The following CRHR2 variants were observed in gnomAD, a reference collection of about 807,000 sequenced individuals.
The protein encoded by CRHR2 is corticotropin-releasing hormone receptor 2.
CRHR2 carries 53 observed loss-of-function variants against 57.9 expected under a neutral mutation model. The observed-to-expected ratio is 0.92, with a 90% CI of 0.73 to 1.15. The LOEUF (loss-of-function observed/expected upper bound fraction) is 1.15, where lower values mean the gene tolerates loss of function less well. Among genes scored for constraint, CRHR2 ranks in the 50% most tolerant of loss-of-function variants. The pLI, the probability that CRHR2 is intolerant of heterozygous loss-of-function variation, is 0.00. For missense variants in CRHR2, 532 were observed against 542.6 expected, an observed-to-expected ratio of 0.98 and a Z score of 0.19; for synonymous variants, 213 against 220.9, an observed-to-expected ratio of 0.96 and a Z score of 0.32.
At chr7:30,671,366 G>A (rs1222058434) in intron 2 of CRHR2, among the ~76,000 whole-genome samples, 1 of 152,130 alleles carries the variant, frequency 6.6e-6, no homozygotes, top group Non-Finnish European at 1.5e-5. Context: ...TAGGAGACAG[G>A]GACCATGAGG....
chr7:30,671,317 C>T (rs1784344647), intron 2 of CRHR2, among the ~76,000 whole-genome samples: 1 of 152,170 alleles, frequency 6.6e-6, no homozygotes, highest in African/African-American at 2.4e-5. Flanking sequence ...AAATGGTTGG[C>T]ACTTCTATCT....
At chr7:30,699,801 G>A (rs1339037784) in intron 1 of CRHR2, 1 of 597,944 alleles carries the variant, frequency 1.7e-6, no homozygotes, top group Non-Finnish European at 2.8e-6. Flanking sequence ...ACCCAGGCAC[G>A]GGATCTCCAA....
In CRHR2 at chr7:30,682,235, G is replaced by T; in HGVS notation, c.46C>A (p.Leu16Met). 2 of 1,589,490 alleles carry T rather than the reference G, an allele frequency of 1.3e-6. No individual in the cohort carries two copies. Among genetic ancestry groups the T allele is most frequent in the East Asian group, 2.3e-5 (1 of 43,692 alleles). Residue 16 changes from leucine to methionine, a missense_variant, in exon 1 of 12, where the codon CTG becomes ATG. Transcript: ENST00000471646. Reference sequence around the variant, plus strand: ...AAGAGCAGCTCTTCAGCCAGCGCCAGGCTGCAGTTGGCCTCCAGCAGGCTG... The same window carrying T: ...AAGAGCAGCTCTTCAGCCAGCGCCATGCTGCAGTTGGCCTCCAGCAGGCTG... ...LHSLLEANCS[L>M]ALAEELLLDG...
intron 1 of CRHR2, chr7:30,689,368 A>G: frequency 9.0e-7 from 1 of 1,114,746 alleles, no homozygotes; most frequent in Non-Finnish European, 1.3e-6. Context: ...CTATCCTATC[A>G]CTCATCCCTT....
upstream of CRHR2, among the ~76,000 whole-genome samples, chr7:30,686,813 T>C (rs1249798457): frequency 2.0e-5 from 3 of 152,252 alleles, no homozygotes; most frequent in South Asian, 2.1e-4. Context: ...TTGCATGCGT[T>C]GCCTTTTTCA....
chr7:30,657,847 T>C (rs945489549), intron 8 of CRHR2, among the ~76,000 whole-genome samples: 11 of 152,106 alleles, frequency 7.2e-5, no homozygotes, highest in Non-Finnish European at 1.3e-4. Context: ...CAACAACCAA[T>C]TCATTCAATT....
upstream of CRHR2, among the ~76,000 whole-genome samples, chr7:30,683,852 C>T (rs1462137890): frequency 6.6e-6 from 1 of 152,224 alleles, no homozygotes; most frequent in Non-Finnish European, 1.5e-5. Flanking sequence ...ACCTAAGCTG[C>T]TAGGAAAGGC....
At chr7:30,687,308 C>T (rs756064352), upstream of CRHR2, among the ~76,000 whole-genome samples, 59 of 152,002 alleles carry the variant, frequency 3.9e-4, no homozygotes, top group Non-Finnish European at 3.2e-4. Context: ...TGATGCATCC[C>T]CAGAGTGGCT....
At chr7:30,697,681 C>A (rs1335200756) in intron 1 of CRHR2, among the ~76,000 whole-genome samples, 2 of 152,190 alleles carry the variant, frequency 1.3e-5, no homozygotes, top group African/African-American at 2.4e-5. Context: ...GAGAGCTCCC[C>A]ATGTCCTCAG....
chr7:30,699,691 T>C (rs1450476482), intron 1 of CRHR2: 1 of 229,088 alleles, frequency 4.4e-6, no homozygotes, highest in African/African-American at 2.5e-5. Context: ...AGTTTCATCT[T>C]CCCTTCCCCT....
intron 2 of CRHR2, among the ~76,000 whole-genome samples, chr7:30,671,929 T>C (rs912782828): frequency 4.6e-5 from 7 of 151,682 alleles, no homozygotes; most frequent in Non-Finnish European, 7.4e-5. Flanking sequence ...GTAGTAGTGG[T>C]GGTGAGGGAG....
At chr7:30,676,462 G>T (rs868214753) in intron 2 of CRHR2, among the ~76,000 whole-genome samples, 35 of 152,172 alleles carry the variant, frequency 2.3e-4, no homozygotes, top group Admixed American at 4.6e-4. Context: ...AGAGGGCAGG[G>T]TCTATCTGGG....
At chr7:30,675,434 G>C (rs1001535542) in intron 2 of CRHR2, among the ~76,000 whole-genome samples, 2 of 152,256 alleles carry the variant, frequency 1.3e-5, no homozygotes, top group African/African-American at 4.8e-5. Context: ...TTGAGATTTA[G>C]ATGGCACATT....
chr7:30,664,947 T>A (rs1784126398), intron 5 of CRHR2, 123 bp downstream of exon 5: 1 of 751,804 alleles, frequency 1.3e-6, no homozygotes, highest in Non-Finnish European at 2.4e-6. Context: ...AGAAGAGGGC[T>A]GCTTTAGCAG....
chr7:30,658,552 C>T (rs1453189446), intron 8 of CRHR2, among the ~76,000 whole-genome samples: 2 of 152,198 alleles, frequency 1.3e-5, no homozygotes, highest in Non-Finnish European at 2.9e-5. Context: ...TGAACTGAAG[C>T]ACCAAGTCCT....
Position 30,653,271 on chromosome 7 carries a change from C to CTGG in CRHR2, c.*186_*188dup. 1.4e-6 allele frequency: 1 copy of CTGG among 739,920 alleles called. No homozygotes were observed. The highest frequency in any genetic ancestry group is 2.2e-6 in the Non-Finnish European group (1 of 461,878). 45.8% of individuals were successfully genotyped at this position (739,920 alleles called of 1,614,324 possible). A position where few individuals can be genotyped will look rare whatever the true frequency, so the allele number is the denominator to read the frequency against. ...CCCTCTGCTTCCTCTTGCGCTGAGC[C>CTGG]TGGTGGCCCCCACTCATCCCTGTCC... On this transcript the variant is annotated 3_prime_UTR_variant, in exon 12 of 12. Transcript: ENST00000471646. This position sits in a 1 kb window ranked among gnomAD's most constrained non-coding sequence, Gnocchi z 5.0.
intron 5 of CRHR2, among the ~76,000 whole-genome samples, chr7:30,663,870 C>T (rs1398994816): frequency 6.6e-6 from 1 of 152,248 alleles, no homozygotes; most frequent in Non-Finnish European, 1.5e-5. Flanking sequence ...GGCTCTGCTT[C>T]TGCACACAGC....
intron 1 of CRHR2, among the ~76,000 whole-genome samples, chr7:30,698,922 T>C (rs986869371): frequency 1.3e-5 from 2 of 152,248 alleles, no homozygotes; most frequent in Admixed American, 1.3e-4. Context: ...GGTCACACAT[T>C]AAGCAGCAAA....
intron 8 of CRHR2, among the ~76,000 whole-genome samples, chr7:30,660,213 G>A (rs1398580271): frequency 6.6e-6 from 1 of 152,152 alleles, no homozygotes; most frequent in Non-Finnish European, 1.5e-5. Context: ...GGTCTGGAAT[G>A]AACAGAAGCC....
Sources: gnomAD v4.1 joint callset for allele counts (sites outside exome capture counted in the v4.1 genomes callset) on GRCh38, gnomAD v4.1.1 for gene constraint, Gnocchi (gnomAD v3.1) non-coding constraint, MANE v1.5 for transcripts, NCBI Gene and HGNC (gene_info 2026-07-23, HGNC 2026-07-21) for gene names.